CEP112: variants seen among roughly 807,000 people sequenced by gnomAD.
CEP112 encodes centrosomal protein 112.
Under a neutral mutation model 153.0 loss-of-function variants are expected in CEP112, and 127 were observed. The observed-to-expected ratio is 0.83, with a 90% CI of 0.72 to 0.96. The LOEUF (loss-of-function observed/expected upper bound fraction) is 0.96. Ranked by LOEUF, CEP112 falls within the 40% of genes least tolerant of loss-of-function variation. CEP112 has a pLI of 0.00. For missense variants in CEP112, 1,089 were observed against 1,101.2 expected (o/e 0.99, Z 0.16); for synonymous variants, 358 against 374.4 (o/e 0.96, Z 0.51).
At position 65,743,087 on chromosome 17, in the gene CEP112, T is replaced by A. The variant is rs1295204975; in HGVS notation, c.2588A>T (p.Asp863Val). ...FEDEKKQLIR[D>V]NDQAIKVLQD... ...GATTACCTTGATTGCTTGGTCATTA[T>A]CTCTAATCAGCTGCTTCTTCTCATC... The change falls in exon 23 of 27, where the codon GAT (aspartate) becomes GTT (valine). Residue 863 changes from aspartate (D) to valine (V), a missense_variant. Coordinates refer to ENST00000535342, the MANE Select transcript of CEP112 (RefSeq NM_001199165.4). 1 of 1,610,650 alleles carries A rather than the reference T, an allele frequency of 6.2e-7. No individual in the cohort carries two copies. The highest frequency in any genetic ancestry group is 1.1e-5 in the South Asian group (1 of 90,234).
rs184708274 is a variant in CEP112, at chr17:66,187,967, T to C, written c.-9+4030A>G. ...CATCCTCTGAACCCCCATAAACCAA[T>C]ACATCAATAAATGCTGAGAAATATC... On this transcript the variant is annotated intron_variant, in intron 1 of 26. Coordinates refer to ENST00000535342, the MANE Select transcript of CEP112 (RefSeq NM_001199165.4). Among the ~76,000 whole-genome samples the C allele has an allele frequency of 1.6e-4, 24 of 152,152 alleles. No individual in the cohort carries two copies. In the East Asian group the frequency reaches 4.4e-3, roughly 28 times the overall value.
intron 18 of CEP112, among the ~76,000 whole-genome samples, chr17:65,945,597 T>C (rs868043473): frequency 1.3e-5 from 2 of 152,160 alleles, no homozygotes; most frequent in African/African-American, 2.4e-5. Flanking sequence ...TAGTATAGCA[T>C]TGTGGTTTTA....
chr17:66,064,267 G>A (rs2067031815), intron 10 of CEP112, among the ~76,000 whole-genome samples: 1 of 152,074 alleles, frequency 6.6e-6, no homozygotes, highest in Non-Finnish European at 1.5e-5. Context: ...ATAAATAAAG[G>A]AACCCCTCCT....
At chr17:65,800,907 A>G (rs527756339) in intron 21 of CEP112, among the ~76,000 whole-genome samples, 3 of 152,166 alleles carry the variant, frequency 2.0e-5, no homozygotes, top group African/African-American at 7.2e-5. Flanking sequence ...GGTCATTTGT[A>G]TACATTCTTT....
Position 65,851,989 on chromosome 17 carries a change from A to G in CEP112, c.2209T>C (p.Leu737=), listed in dbSNP as rs778486600. 3.7e-6 allele frequency: 6 copies of G among 1,612,950 alleles called. No homozygotes were observed. The African/African-American group carries it at 5.3e-5, about 14-fold the overall frequency. Residue 737 remains leucine, a synonymous_variant, in exon 21 of 27, where the codon TTG becomes CTG. Transcript: ENST00000535342. ...TTCCGCTGTGAGTTCACATTGATCA[A>G]TTCTTCTCTCAACTTGTGAACCTGG... ...EAQVHKLREE[L]INVNSQRKQQ...
intron 21 of CEP112, among the ~76,000 whole-genome samples, chr17:65,816,584 A>C (rs892592713): frequency 2.0e-5 from 3 of 151,996 alleles, no homozygotes; most frequent in Non-Finnish European, 4.4e-5. Context: ...TTTAGTCTTA[A>C]TATAGTGAAT....
chr17:66,014,732 T>C (rs1232945771), intron 16 of CEP112, among the ~76,000 whole-genome samples: 1 of 152,184 alleles, frequency 6.6e-6, no homozygotes, highest in East Asian at 1.9e-4. Context: ...ACCCAGTGTG[T>C]GGCAGCCCCA....
chr17:65,896,666 T>A (rs1346836664), intron 20 of CEP112, among the ~76,000 whole-genome samples: 1 of 152,056 alleles, frequency 6.6e-6, no homozygotes, highest in African/African-American at 2.4e-5. Flanking sequence ...TGAGAATTTT[T>A]GCCCCCTCTA....
At chr17:66,071,044 A>G (rs1250634923) in intron 8 of CEP112, among the ~76,000 whole-genome samples, 2 of 152,196 alleles carry the variant, frequency 1.3e-5, no homozygotes, top group East Asian at 3.9e-4. Flanking sequence ...ACATTTAGGA[A>G]AAACATTTTA....
At chr17:65,784,246 T>C (rs569116437) in intron 21 of CEP112, among the ~76,000 whole-genome samples, 3 of 152,360 alleles carry the variant, frequency 2.0e-5, no homozygotes, top group South Asian at 4.1e-4. Context: ...CATTTTTGCA[T>C]GGTCTAAAGT....
intron 24 of CEP112, among the ~76,000 whole-genome samples, chr17:65,641,597 T>C (rs2045136304): frequency 1.3e-5 from 2 of 151,898 alleles, no homozygotes; most frequent in Admixed American, 6.6e-5. Flanking sequence ...TATATAAAAA[T>C]TAGCTGGGCA....
At chr17:65,793,768 T>C (rs984397882) in intron 21 of CEP112, among the ~76,000 whole-genome samples, 7 of 152,194 alleles carry the variant, frequency 4.6e-5, no homozygotes, top group African/African-American at 1.7e-4. Context: ...GCTCCAATAA[T>C]TGTTCTACAG....
At chr17:65,656,905 A>T (rs952836848) in intron 24 of CEP112, among the ~76,000 whole-genome samples, 23 of 152,338 alleles carry the variant, frequency 1.5e-4, no homozygotes, top group African/African-American at 5.3e-4. Context: ...GGTCTTCGGA[A>T]TGTCTACAGT....
chr17:65,996,129 C>CGT lies in CEP112; in HGVS notation c.1736+9559_1736+9560dup, dbSNP rs3055983. On this transcript the variant is annotated intron_variant, in intron 17 of 26. Coordinates refer to ENST00000535342, the MANE Select transcript of CEP112 (RefSeq NM_001199165.4). ...ATCCTACACCATGGGGAAAAATATA[C>CGT]GTGTGTGTGTGTGTGTGTGTGTGTG... 7.7e-3 allele frequency among the ~76,000 whole-genome samples: 1,119 copies of CGT among 145,778 alleles called. 11 individuals carry two copies. The highest frequency in any genetic ancestry group is 0.028 in the South Asian group (127 of 4,490).
chr17:65,986,174 GA>G (rs962660367), intron 17 of CEP112, among the ~76,000 whole-genome samples: 9 of 148,536 alleles, frequency 6.1e-5, no homozygotes, highest in African/African-American at 2.3e-4. Flanking sequence ...GAGAAAGGGG[GA>G]AAAAAAATAA....
intron 18 of CEP112, among the ~76,000 whole-genome samples, chr17:65,950,486 GTTA>G (rs1568279862): frequency 6.6e-6 from 1 of 151,570 alleles, no homozygotes; most frequent in African/African-American, 2.4e-5. Context: ...TCTTTTCGAC[GTTA>G]TTATGAATTA....
chr17:66,093,868 G>T (rs1043291802), intron 8 of CEP112, among the ~76,000 whole-genome samples: 12 of 152,074 alleles, frequency 7.9e-5, no homozygotes, highest in African/African-American at 2.9e-4. Context: ...AGTATCCAAG[G>T]CAATTTTGAG....
At chr17:66,067,635 G>A (rs1257789747) in intron 9 of CEP112, among the ~76,000 whole-genome samples, 1 of 152,024 alleles carries the variant, frequency 6.6e-6, no homozygotes, top group Non-Finnish European at 1.5e-5. Flanking sequence ...CCCCCAAACT[G>A]TAAAAATTAT....
At chr17:66,164,753 G>A (rs1000973479) in intron 4 of CEP112, among the ~76,000 whole-genome samples, 1 of 151,690 alleles carries the variant, frequency 6.6e-6, no homozygotes, top group Non-Finnish European at 1.5e-5. Flanking sequence ...CTATTCAGGA[G>A]GCTGAGGCAG....
Sources: allele counts gnomAD v4.1 joint callset (sites outside exome capture counted in the v4.1 genomes callset), GRCh38; gene constraint gnomAD v4.1.1; transcripts MANE v1.5; gene names NCBI Gene and HGNC (gene_info 2026-07-23, HGNC 2026-07-21).